Variants in SIL1 observed in about 807,000 individuals in gnomAD.
SIL1 encodes the protein SIL1 nucleotide exchange factor.
In SIL1, 40 loss-of-function variants were observed where a neutral mutation model predicts 49.1. The ratio of observed to expected loss-of-function variants is 0.81; its 90% CI spans 0.63 to 1.06. The LOEUF is 1.06. Ranked by LOEUF, SIL1 falls within the 50% of genes least tolerant of loss-of-function variation. The pLI, the probability that SIL1 is intolerant of heterozygous loss-of-function variation, is 0.00. For missense variants in SIL1, 500 were observed against 572.6 expected, an observed-to-expected ratio of 0.87 and a Z score of 1.29; for synonymous variants, 253 against 250.8, an observed-to-expected ratio of 1.01 and a Z score of -0.08.
Position 139,127,502 on chromosome 5 carries a change from TATC to T in SIL1, c.105+234_105+236del, listed in dbSNP as rs147174974. Reference sequence around the variant, plus strand: ...AAATGGAAGATTATAATTATGAATTTATCATCATCATCATATTTTCCCCAAAGG... The same window carrying T: ...AAATGGAAGATTATAATTATGAATTTATCATCATCATATTTTCCCCAAAGG... On this transcript the variant is annotated intron_variant, in intron 2 of 9. Coordinates refer to ENST00000394817, the MANE Select transcript of SIL1 (RefSeq NM_022464.5). 0.17 allele frequency among the ~76,000 whole-genome samples: 25,204 copies of T among 151,886 alleles called. 3,135 individuals carry two copies. The highest frequency in any genetic ancestry group is 0.35 in the African/African-American group (14,442 of 41,272).
chr5:139,068,805 T>C (rs1437054427), intron 3 of SIL1, among the ~76,000 whole-genome samples: 1 of 151,788 alleles, frequency 6.6e-6, no homozygotes, highest in Non-Finnish European at 1.5e-5. Context: ...AATAAAATTA[T>C]AATAAAAAGA....
chr5:139,071,761 C>A (rs373136075), intron 3 of SIL1, among the ~76,000 whole-genome samples: 1 of 151,096 alleles, frequency 6.6e-6, no homozygotes, highest in African/African-American at 2.4e-5. Context: ...TCCACCTTCC[C>A]GGTTCAAGCG....
intron 3 of SIL1, among the ~76,000 whole-genome samples, chr5:139,109,055 G>A (rs1770787875): frequency 6.6e-6 from 1 of 152,144 alleles, no homozygotes; most frequent in African/African-American, 2.4e-5. Context: ...ACCCCACAAA[G>A]TACATCCCTT....
chr5:138,966,504 G>C (rs1346960579), intron 7 of SIL1, among the ~76,000 whole-genome samples: 1 of 152,032 alleles, frequency 6.6e-6, no homozygotes, highest in Non-Finnish European at 1.5e-5. Context: ...TCGGCGGGCG[G>C]GTGTAGGGGG....
intron 1 of SIL1, among the ~76,000 whole-genome samples, chr5:139,150,795 C>T (rs1378916149): frequency 1.3e-5 from 2 of 152,114 alleles, no homozygotes; most frequent in Admixed American, 1.3e-4. Context: ...GTGAGTCCTC[C>T]GGAAATGTCA....
At chr5:139,035,477 C>T (rs1378642336) in intron 5 of SIL1, 3 of 537,940 alleles carry the variant, frequency 5.6e-6, no homozygotes, top group African/African-American at 3.8e-5. Flanking sequence ...CTGTAATCCT[C>T]AGACCCCTCC....
In SIL1 at chr5:139,112,737, G is replaced by A. The variant is rs1417409900; in HGVS notation, c.244+8298C>T. On this transcript the variant is annotated intron_variant, in intron 3 of 9. Coordinates refer to ENST00000394817, the MANE Select transcript of SIL1 (RefSeq NM_022464.5). ...CGGGAGGTGGGGGGCGCCTCTGCCC[G>A]GCCGCCCCTTCTGGGAAGTGAGGAG... is the stretch of plus-strand genomic sequence containing the variant. Among the ~76,000 whole-genome samples the A allele has an allele frequency of 6.8e-5, 10 of 147,490 alleles. No homozygotes were observed. The South Asian group carries it at 8.7e-4, about 13-fold the overall frequency.
chr5:138,964,756 G>A (rs868277817), intron 7 of SIL1, among the ~76,000 whole-genome samples: 1 of 152,220 alleles, frequency 6.6e-6, no homozygotes, highest in African/African-American at 2.4e-5. Context: ...TTTAGTGCTC[G>A]TTAAAGCCTG....
intron 7 of SIL1, among the ~76,000 whole-genome samples, chr5:138,981,785 C>A (rs2150399568): frequency 6.6e-6 from 1 of 152,330 alleles, no homozygotes; most frequent in East Asian, 1.9e-4. Context: ...AAAGCACTTG[C>A]TCTCCCACGC....
At chr5:138,964,922 A>G (rs1305381158) in intron 7 of SIL1, among the ~76,000 whole-genome samples, 1 of 152,242 alleles carries the variant, frequency 6.6e-6, no homozygotes, top group Non-Finnish European at 1.5e-5. Context: ...GTATGGACCA[A>G]TGTCCAGGGT....
chr5:139,157,264 T>C (rs1191301842), intron 1 of SIL1, among the ~76,000 whole-genome samples: 1 of 152,210 alleles, frequency 6.6e-6, no homozygotes, highest in Non-Finnish European at 1.5e-5. Flanking sequence ...ATTTTTTGTT[T>C]GTACTTGTTT....
In SIL1 at chr5:139,138,285, G is replaced by A. The variant is rs545455169; in HGVS notation, c.-10-10432C>T. 1.2e-3 allele frequency among the ~76,000 whole-genome samples: 188 copies of A among 152,270 alleles called. 1 individual carries two copies. Among genetic ancestry groups the A allele is most frequent in the African/African-American group, 3.9e-3 (160 of 41,546 alleles). On this transcript the variant is annotated intron_variant, in intron 1 of 9. Coordinates refer to ENST00000394817, the MANE Select transcript of SIL1 (RefSeq NM_022464.5). ...GTATTTCTACATGGCAGACAAAGAC[G>A]GAGTCTTCTTTGGTGAATGGGGCTT...
At chr5:139,180,207 C>T (rs1370653997) in intron 1 of SIL1, among the ~76,000 whole-genome samples, 1 of 151,544 alleles carries the variant, frequency 6.6e-6, no homozygotes. Context: ...GGGGAAACCT[C>T]ATCTCTACTA....
intron 5 of SIL1, among the ~76,000 whole-genome samples, chr5:139,029,568 C>T (rs1020552910): frequency 6.6e-6 from 1 of 151,954 alleles, no homozygotes; most frequent in Non-Finnish European, 1.5e-5. Flanking sequence ...GTGGTACAAT[C>T]ACAGCTCGCT....
At chr5:138,987,991 G>A (rs1049889746) in intron 7 of SIL1, among the ~76,000 whole-genome samples, 4 of 152,132 alleles carry the variant, frequency 2.6e-5, no homozygotes, top group African/African-American at 9.7e-5. Context: ...GCGCCACCAT[G>A]CCCAGCTAAT....
At chr5:139,132,777 G>A (rs1484452625) in intron 1 of SIL1, among the ~76,000 whole-genome samples, 1 of 152,192 alleles carries the variant, frequency 6.6e-6, no homozygotes, top group Non-Finnish European at 1.5e-5. Context: ...GAAGTGGCAG[G>A]CATAGTTTGC....
At chr5:139,032,533 G>C (rs1368107359) in intron 5 of SIL1, among the ~76,000 whole-genome samples, 2 of 152,088 alleles carry the variant, frequency 1.3e-5, no homozygotes, top group African/African-American at 2.4e-5. Flanking sequence ...AGTTTATTTT[G>C]TACTCTGTCT....
intron 3 of SIL1, among the ~76,000 whole-genome samples, chr5:139,068,672 A>G (rs1054070240): frequency 1.1e-4 from 16 of 148,142 alleles, no homozygotes; most frequent in Middle Eastern, 3.6e-3. Context: ...AAAAAAAAAA[A>G]AAGAAGAGAA....
chr5:139,177,685 C>T (rs536970727), intron 1 of SIL1, among the ~76,000 whole-genome samples: 3 of 152,308 alleles, frequency 2.0e-5, no homozygotes, highest in East Asian at 3.9e-4. Context: ...GGTCTATACC[C>T]GCCCACCATG....
Sources: gnomAD v4.1 joint callset for allele counts (sites outside exome capture counted in the v4.1 genomes callset) on GRCh38, gnomAD v4.1.1 for gene constraint, MANE v1.5 for transcripts, NCBI Gene and HGNC (gene_info 2026-07-23, HGNC 2026-07-21) for gene names.